Variants in ERN1 observed in about 807,000 individuals in gnomAD.
ERN1 encodes the protein serine/threonine-protein kinase/endoribonuclease IRE1.
Under a neutral mutation model 113.1 loss-of-function variants are expected in ERN1, and 39 were observed. The observed-to-expected ratio is 0.34, with a 90% CI of 0.27 to 0.45. The LOEUF (loss-of-function observed/expected upper bound fraction) is 0.45. Among genes scored for constraint, ERN1 ranks in the 20% least tolerant of loss-of-function variants. The pLI is 1.00. For missense variants in ERN1, 976 were observed against 1,274.8 expected (o/e 0.77, Z 3.57); for synonymous variants, 507 against 515.9 (o/e 0.98, Z 0.23).
At chr17:64,079,082 C>G (rs1436771913) in intron 4 of ERN1, among the ~76,000 whole-genome samples, 1 of 152,136 alleles carries the variant, frequency 6.6e-6, no homozygotes, top group East Asian at 1.9e-4. Flanking sequence ...ATGTGTGGGC[C>G]TGTTTCTAAA....
chr17:64,082,303 T>C (rs1214891855), intron 2 of ERN1, among the ~76,000 whole-genome samples: 1 of 152,128 alleles, frequency 6.6e-6, no homozygotes, highest in Non-Finnish European at 1.5e-5. Flanking sequence ...CATGTTTATC[T>C]TTCCCATTAA....
chr17:64,045,518 T>C (rs778791408), intron 19 of ERN1, 36 bp from the exon 20 acceptor site: 3 of 1,613,002 alleles, frequency 1.9e-6, no homozygotes, highest in Non-Finnish European at 8.5e-7. Flanking sequence ...TGATGGTCAG[T>C]GCTGGAGATG....
At chr17:64,092,627 C>T (rs777723023) in intron 2 of ERN1, among the ~76,000 whole-genome samples, 1 of 152,006 alleles carries the variant, frequency 6.6e-6, no homozygotes, top group African/African-American at 2.4e-5. Flanking sequence ...CTAATTTGAC[C>T]CAGCTCTTCA....
At chr17:64,109,180 T>A (rs760959799) in intron 1 of ERN1, among the ~76,000 whole-genome samples, 80 of 151,650 alleles carry the variant, frequency 5.3e-4, no homozygotes, top group Non-Finnish European at 9.0e-4. Context: ...GGGAAAAAAA[T>A]TTAATTACAT....
chr17:64,112,712 T>C (rs1914707403), intron 1 of ERN1, among the ~76,000 whole-genome samples: 1 of 152,250 alleles, frequency 6.6e-6, no homozygotes, highest in African/African-American at 2.4e-5. Flanking sequence ...TGGAGATTCC[T>C]GATGGGTGGG....
At chr17:64,096,981 G>A (rs1244859739) in intron 2 of ERN1, among the ~76,000 whole-genome samples, 2 of 152,084 alleles carry the variant, frequency 1.3e-5, no homozygotes, top group Non-Finnish European at 2.9e-5. Context: ...TTTCATCTCT[G>A]GACAAAATAG....
rs17688830 is a variant in ERN1, at chr17:64,057,704, T to C, written c.1398+98A>G. The stretch of plus-strand genomic sequence containing the variant: ...ACTGACTTTTAAATGGGGAAAGAAA[T>C]GTGCTGGTTGTTTTTGTCTGGATCT... On this transcript the variant is annotated intron_variant, in intron 12 of 21. Transcript: ENST00000433197. The C allele has an allele frequency of 8.6e-3, 9,908 of 1,149,380 alleles. 64 individuals carry two copies. Among genetic ancestry groups the C allele is most frequent in the Non-Finnish European group, 0.011 (8,585 of 782,094 alleles). The allele number at this position is 1,149,380 out of a possible 1,614,324, so 71.2% of individuals were successfully genotyped here. A position where few individuals can be genotyped will look rare whatever the true frequency, so the allele number is the denominator to read the frequency against.
intron 7 of ERN1, 154 bp from the exon 8 acceptor site, chr17:64,067,086 T>A: frequency 1.3e-6 from 1 of 778,472 alleles, no homozygotes; most frequent in Non-Finnish European, 2.0e-6. Context: ...TTGTTTCCAA[T>A]GAACTCGCTT....
At chr17:64,048,949 G>A (rs1912597290) in intron 18 of ERN1, 106 bp downstream of exon 18, 3 of 1,159,822 alleles carry the variant, frequency 2.6e-6, no homozygotes, top group Non-Finnish European at 3.5e-6. Flanking sequence ...TGAGCAGCTG[G>A]GGCACCACGG....
intron 1 of ERN1, among the ~76,000 whole-genome samples, chr17:64,124,431 T>C (rs1915027708): frequency 6.6e-6 from 1 of 152,192 alleles, no homozygotes; most frequent in Non-Finnish European, 1.5e-5. Flanking sequence ...ACTATTCCCA[T>C]GTGCTGTTGG....
At chr17:64,059,517 T>TCCA (rs1282966609) in intron 11 of ERN1, among the ~76,000 whole-genome samples, 3 of 152,180 alleles carry the variant, frequency 2.0e-5, no homozygotes, top group Non-Finnish European at 4.4e-5. Context: ...GAGCCACCCT[T>TCCA]CCACCTCCTC....
At chr17:64,065,310 C>T (rs1913186111) in intron 8 of ERN1, 23 bp from the exon 9 acceptor site, 2 of 1,534,102 alleles carry the variant, frequency 1.3e-6, no homozygotes, top group Non-Finnish European at 1.8e-6. Context: ...CAGATACATG[C>T]ATTCCAGAGT....
At chr17:64,077,340 A>G (rs1913623665) in intron 4 of ERN1, among the ~76,000 whole-genome samples, 1 of 152,172 alleles carries the variant, frequency 6.6e-6, no homozygotes, top group Non-Finnish European at 1.5e-5. Context: ...TCATCATCAC[A>G]CAGCTCAGTC....
At chr17:64,101,122 G>C (rs9910216) in intron 1 of ERN1, among the ~76,000 whole-genome samples, 1 of 151,900 alleles carries the variant, frequency 6.6e-6, no homozygotes, top group Admixed American at 6.6e-5. Flanking sequence ...GGGAAAAAAA[G>C]GGCCAGGCGT....
intron 1 of ERN1, among the ~76,000 whole-genome samples, chr17:64,110,736 A>G: frequency 6.6e-6 from 1 of 152,240 alleles, no homozygotes; most frequent in East Asian, 1.9e-4. Flanking sequence ...TGTCAATATT[A>G]CATCAGATTT....
intron 11 of ERN1, among the ~76,000 whole-genome samples, chr17:64,059,848 ATTTTTTTT>A (rs57472561): frequency 8.7e-6 from 1 of 114,590 alleles, no homozygotes. Context: ...TTCTTCAACA[ATTTTTTTT>A]TTTTTTTTTT....
At chr17:64,110,175 A>G (rs1343948832) in intron 1 of ERN1, among the ~76,000 whole-genome samples, 2 of 152,120 alleles carry the variant, frequency 1.3e-5, no homozygotes, top group Non-Finnish European at 2.9e-5. Flanking sequence ...CCTACAATAC[A>G]CACTTACCCA....
In ERN1 at chr17:64,045,348, A is replaced by G; in HGVS notation, c.2653+11T>C. 3 of 1,613,832 alleles carry G rather than the reference A, an allele frequency of 1.9e-6. No homozygotes were observed. Among genetic ancestry groups the G allele is most frequent in the Non-Finnish European group, 2.5e-6 (3 of 1,179,868 alleles). ...TGCAACCTGCCCTCTCACACGCTGCAGCATGATCACCTGTCTGGAGGGGGA... is the reference window on the plus strand; with the variant it reads ...TGCAACCTGCCCTCTCACACGCTGCGGCATGATCACCTGTCTGGAGGGGGA... On this transcript the variant is annotated intron_variant, in intron 20 of 21. Transcript: ENST00000433197.
At chr17:64,124,326 A>G (rs1423978295) in intron 1 of ERN1, among the ~76,000 whole-genome samples, 1 of 152,242 alleles carries the variant, frequency 6.6e-6, no homozygotes, top group East Asian at 1.9e-4. Context: ...AGAATTATTA[A>G]TAGTCCCAAA....
Sources: gnomAD v4.1 joint callset for allele counts (sites outside exome capture counted in the v4.1 genomes callset) on GRCh38, gnomAD v4.1.1 for gene constraint, MANE v1.5 for transcripts, NCBI Gene and HGNC (gene_info 2026-07-23, HGNC 2026-07-21) for gene names.